Variants in LMNB2 observed in about 807,000 individuals in gnomAD.
LMNB2 encodes lamin-B2.
Under a neutral mutation model 69.3 loss-of-function variants are expected in LMNB2, and 17 were observed. The observed-to-expected ratio is 0.25, with a 90% CI of 0.17 to 0.37. The LOEUF (loss-of-function observed/expected upper bound fraction) is 0.37, where lower values mean the gene tolerates loss of function less well. Ranked by LOEUF, LMNB2 falls within the 10% of genes least tolerant of loss-of-function variation. LMNB2 has a pLI of 1.00. For synonymous variants in LMNB2, 397 were observed against 389.3 expected, an observed-to-expected ratio of 1.02 and a Z score of -0.23; for missense variants, 789 against 883.6, an observed-to-expected ratio of 0.89 and a Z score of 1.36.
intron 6 of LMNB2, 81 bp from the exon 7 acceptor site, chr19:2,434,596 G>A: frequency 3.9e-6 from 6 of 1,531,664 alleles, no homozygotes; most frequent in South Asian, 1.2e-5. Flanking sequence ...CGGGAGATGG[G>A]CCCTCACCAC....
At position 2,453,983 on chromosome 19, in the gene LMNB2, A is replaced by G. The variant is rs2145476012; in HGVS notation, c.264+2687T>C. On this transcript the variant is annotated intron_variant, in intron 1 of 11. Coordinates refer to ENST00000325327, the MANE Select transcript of LMNB2 (RefSeq NM_032737.4). The surrounding 1 kb of genome is among the most constrained non-coding windows in gnomAD (Gnocchi z 4.4). ...CCAAGAGACACAGGGGCCTGCCCAA[A>G]GCCACACTAATTGAAAAGCAGGGGA... 6.6e-6 allele frequency among the ~76,000 whole-genome samples: 1 copy of G among 152,314 alleles called. No homozygotes were observed. The highest frequency in any genetic ancestry group is 1.9e-4 in the East Asian group (1 of 5,184).
chr19:2,431,284 G>A (rs1451070892), intron 11 of LMNB2, among the ~76,000 whole-genome samples: 1 of 152,222 alleles, frequency 6.6e-6, no homozygotes, highest in Non-Finnish European at 1.5e-5. Flanking sequence ...TTGGGGAGCT[G>A]TTCAACACCC....
Position 2,432,466 on chromosome 19 carries a change from C to A in LMNB2, c.1540G>T (p.Ala514Ser). ...KRQVLEGEEI[A>S]YKFTPKYILR... Reference sequence around the variant, plus strand: ...ATGTACTTGGGCGTGAACTTGTAGGCGATCTCCTCCCCCTCCAAGACCTGC... The same window carrying A: ...ATGTACTTGGGCGTGAACTTGTAGGAGATCTCCTCCCCCTCCAAGACCTGC... The change falls in exon 9 of 12, where the codon GCC becomes TCC. Residue 514 changes from alanine (A) to serine (S), a missense_variant. Physicochemically the swap from Ala to Ser is moderately conservative, Grantham distance 99. Coordinates refer to ENST00000325327, the MANE Select transcript of LMNB2 (RefSeq NM_032737.4). 1 of 1,613,814 alleles carries A rather than the reference C, an allele frequency of 6.2e-7. No homozygotes were observed. Among genetic ancestry groups the A allele is most frequent in the Non-Finnish European group, 8.5e-7 (1 of 1,179,928 alleles).
Position 2,434,678 on chromosome 19 carries a change from C to T in LMNB2, c.981+110G>A, listed in dbSNP as rs938815280. On this transcript the variant is annotated intron_variant, in intron 6 of 11. Transcript: ENST00000325327. ...AGGGAAGGGGCATCGCTGGGCGCCC[C>T]GAGGGCTGCATCCGATGCCAAGAGG... 5.3e-6 allele frequency: 8 copies of T among 1,510,716 alleles called. No individual in the cohort carries two copies. The East Asian group carries it at 9.8e-5, about 19-fold the overall frequency. The allele number at this position is 1,510,716 out of a possible 1,614,324, so 93.6% of individuals were successfully genotyped here. A position where few individuals can be genotyped will look rare whatever the true frequency, so the allele number is the denominator to read the frequency against.
intron 4 of LMNB2, among the ~76,000 whole-genome samples, 157 bp from the exon 5 acceptor site, chr19:2,435,328 C>G (rs1277878458): frequency 6.6e-6 from 1 of 152,208 alleles, no homozygotes; most frequent in Non-Finnish European, 1.5e-5. Flanking sequence ...AGAGGCGACC[C>G]AGGGGCCGTC....
intron 7 of LMNB2, 27 bp from the exon 8 acceptor site, chr19:2,434,132 C>A: frequency 6.4e-7 from 1 of 1,569,338 alleles, no homozygotes; most frequent in Non-Finnish European, 8.6e-7. Flanking sequence ...GAAGGTGGGA[C>A]TGGTAGTGGG....
chr19:2,435,341 C>T (rs547027716), intron 4 of LMNB2, among the ~76,000 whole-genome samples, 170 bp from the exon 5 acceptor site: 2 of 152,358 alleles, frequency 1.3e-5, no homozygotes, highest in Admixed American at 1.3e-4. Flanking sequence ...GGGCCGTCCA[C>T]GCGCTAGAAC....
intron 1 of LMNB2, among the ~76,000 whole-genome samples, chr19:2,445,303 C>G (rs1453983434): frequency 1.3e-5 from 2 of 151,848 alleles, no homozygotes; most frequent in Non-Finnish European, 2.9e-5. Context: ...CTTCTGCCAA[C>G]CGGGGGCCAG....
chr19:2,434,244 C>T (rs748134762), intron 7 of LMNB2, 51 bp downstream of exon 7: 2 of 1,596,186 alleles, frequency 1.3e-6, no homozygotes, highest in South Asian at 2.2e-5. Context: ...TCTCCTCCTG[C>T]CCTGCCCCTC....
At chr19:2,436,339 G>A (rs1971820848) in intron 4 of LMNB2, among the ~76,000 whole-genome samples, 1 of 151,642 alleles carries the variant, frequency 6.6e-6, no homozygotes, top group Non-Finnish European at 1.5e-5. Flanking sequence ...AGCTACTCGG[G>A]AGGCTGGGCC....
rs62119872 is a variant in LMNB2 at position 2,444,764 on chromosome 19, G to A, written c.265-224C>T. Among the ~76,000 whole-genome samples the A allele has an allele frequency of 0.07, 10,612 of 152,222 alleles. 585 individuals carry two copies. The highest frequency in any genetic ancestry group is 0.28 in the East Asian group (1,449 of 5,146). ...TCCGGTAACCAGGAGGAAGCCAGGC[G>A]ACCCTGGGTCCCAGCCATCCCAGGA... is the stretch of plus-strand genomic sequence containing the variant. On this transcript the variant is annotated intron_variant, in intron 1 of 11. Transcript: ENST00000325327.
Position 2,434,108 on chromosome 19 carries a change from G to A in LMNB2, c.1203-3C>T, listed in dbSNP as rs778153782. 1.9e-6 allele frequency: 3 copies of A among 1,582,382 alleles called. No homozygotes were observed. Among genetic ancestry groups the A allele is most frequent in the Non-Finnish European group, 2.6e-6 (3 of 1,166,412 alleles). On this transcript the variant is annotated splice_polypyrimidine_tract_variant and splice_region_variant and intron_variant, in intron 7 of 11. Transcript: ENST00000325327. ...ATGGGCTGGGGGACAGCTTCAGCCT[G>A]TGGGGAAGGCAAGGAAGGTGGGACT...
rs1012635324 is a variant in LMNB2, at chr19:2,442,553, A to T, written c.401+1851T>A. ...CACTGCACTCCAGCCTGGGTGACAG[A>T]GCAAGACTATGTCTCAAAAGGAAAT... is the stretch of plus-strand genomic sequence containing the variant. On this transcript the variant is annotated intron_variant, in intron 2 of 11. Transcript: ENST00000325327. Among the ~76,000 whole-genome samples, 6 of 152,266 alleles carry T rather than the reference A, an allele frequency of 3.9e-5. No individual in the cohort carries two copies. The South Asian group carries it at 8.3e-4, about 21-fold the overall frequency.
chr19:2,451,778 G>A (rs117518734), intron 1 of LMNB2, among the ~76,000 whole-genome samples: 4,335 of 152,250 alleles, frequency 0.028, 82 homozygotes, highest in Non-Finnish European at 0.044. Flanking sequence ...AGGCCACGGT[G>A]GGACAAAATG....
intron 4 of LMNB2, among the ~76,000 whole-genome samples, chr19:2,435,868 G>A (rs550400934): frequency 1.3e-5 from 2 of 152,154 alleles, no homozygotes; most frequent in South Asian, 2.1e-4. Flanking sequence ...TGAAGAAAGC[G>A]GGCCAGGCGT....
intron 9 of LMNB2, 113 bp downstream of exon 9, chr19:2,432,303 C>G (rs1971749922): frequency 2.3e-6 from 2 of 870,600 alleles, no homozygotes; most frequent in Non-Finnish European, 1.9e-6. Context: ...TGAGACGGTG[C>G]CTGGTGCCAC....
rs1442035083 is a variant in LMNB2 at position 2,438,573 on chromosome 19, C to T, written c.402-42G>A. ...CAAGTGAGTGGGGAGGGGCAAGGTC[C>T]ATGGGGCCACAGGGAGCACCTCAGG... On this transcript the variant is annotated intron_variant, in intron 2 of 11. Transcript: ENST00000325327. The T allele has an allele frequency of 3.1e-6, 5 of 1,597,026 alleles. No homozygotes were observed. The East Asian group carries it at 1.1e-4, about 36-fold the overall frequency.
intron 4 of LMNB2, among the ~76,000 whole-genome samples, chr19:2,436,527 G>A (rs1008132644): frequency 4.1e-5 from 6 of 148,112 alleles, no homozygotes; most frequent in Admixed American, 6.7e-5. Flanking sequence ...CCGCCCTCCC[G>A]CCTCCACGGC....
In LMNB2 at chr19:2,444,365, A is replaced by G. The variant is rs11668494; in HGVS notation, c.401+39T>C. On this transcript the variant is annotated intron_variant, in intron 2 of 11. Transcript: ENST00000325327. ...CTGCCCCCGTCCACCCCGTGGTGCC[A>G]GGATCAGGGTGACGTCGTGCCCAGC... is the stretch of plus-strand genomic sequence containing the variant. 510,777 of 1,611,112 alleles carry G rather than the reference A, an allele frequency of 0.32. 84,048 individuals are homozygous for G. The highest frequency in any genetic ancestry group is 0.54 in the African/African-American group (40,790 of 74,924).
Sources: allele counts gnomAD v4.1 joint callset (sites outside exome capture counted in the v4.1 genomes callset), GRCh38; gene constraint gnomAD v4.1.1; non-coding constraint Gnocchi (gnomAD v3.1); transcripts MANE v1.5; gene names NCBI Gene and HGNC (gene_info 2026-07-23, HGNC 2026-07-21).